The following SNX29 variants were observed in gnomAD, a reference collection of about 807,000 sequenced individuals.
SNX29 encodes sorting nexin-29.
In SNX29, 78 loss-of-function variants were observed where a neutral mutation model predicts 102.1. That is an observed-to-expected ratio of 0.76 (90% CI 0.64 to 0.92). The LOEUF is 0.92. Among genes scored for constraint, SNX29 ranks in the 40% least tolerant of loss-of-function variants. The pLI, the probability that SNX29 is intolerant of heterozygous loss-of-function variation, is 0.00. For synonymous variants in SNX29, 580 were observed against 414.5 expected, an observed-to-expected ratio of 1.40 and a Z score of -4.85; for missense variants, 1,280 against 1,061.7, an observed-to-expected ratio of 1.21 and a Z score of -2.86.
chr16:12,079,744 A>T (rs1596799969), intron 11 of SNX29, among the ~76,000 whole-genome samples: 1 of 152,168 alleles, frequency 6.6e-6, no homozygotes, highest in South Asian at 2.1e-4. Context: ...TGGGGCTGGT[A>T]TGTGGCTCCA....
At chr16:12,323,763 C>T (rs143806512) in intron 15 of SNX29, among the ~76,000 whole-genome samples, 118 of 152,270 alleles carry the variant, frequency 7.7e-4, no homozygotes, top group African/African-American at 2.7e-3. Flanking sequence ...CCATTTTTAT[C>T]CCTTCCCTGT....
intron 20 of SNX29, among the ~76,000 whole-genome samples, chr16:12,547,528 G>T (rs539527410): frequency 1.2e-4 from 19 of 152,208 alleles, no homozygotes; most frequent in Non-Finnish European, 1.9e-4. Flanking sequence ...AGAGAAAGAG[G>T]AACTGGAAGA....
intron 16 of SNX29, among the ~76,000 whole-genome samples, chr16:12,379,643 G>T (rs1050263297): frequency 2.2e-4 from 33 of 152,304 alleles, no homozygotes; most frequent in African/African-American, 7.2e-4. Flanking sequence ...GATGTTAATT[G>T]CACTATGCCT....
intron 20 of SNX29, among the ~76,000 whole-genome samples, chr16:12,536,204 C>G (rs534821895): frequency 6.6e-6 from 1 of 152,252 alleles, no homozygotes; most frequent in East Asian, 1.9e-4. Context: ...GAGGTTACGG[C>G]TTGCTGAGTA....
chr16:11,991,712 T>C (rs1481173420), intron 1 of SNX29, among the ~76,000 whole-genome samples: 3,063 of 25,952 alleles, frequency 0.12, 117 homozygotes, highest in African/African-American at 0.24. Flanking sequence ...GAGGCTAATC[T>C]TTTTTTTTTT....
At chr16:12,241,274 A>G (rs1328251610) in intron 14 of SNX29, among the ~76,000 whole-genome samples, 1 of 152,166 alleles carries the variant, frequency 6.6e-6, no homozygotes, top group South Asian at 2.1e-4. Flanking sequence ...TGTTGTGAAC[A>G]AAAAAAGAAA....
At chr16:12,132,787 CAG>C (rs2054515685) in intron 13 of SNX29, among the ~76,000 whole-genome samples, 2 of 152,144 alleles carry the variant, frequency 1.3e-5, no homozygotes, top group Non-Finnish European at 2.9e-5. Context: ...AGTCTGTAGG[CAG>C]AAGGAACAGA....
chr16:12,470,891 G>A (rs2087305249), intron 18 of SNX29, among the ~76,000 whole-genome samples: 1 of 152,184 alleles, frequency 6.6e-6, no homozygotes, highest in Non-Finnish European at 1.5e-5. Context: ...GCATGGGCGA[G>A]GCACGACACC....
At chr16:12,343,067 T>C (rs1379598129) in intron 15 of SNX29, among the ~76,000 whole-genome samples, 2 of 152,244 alleles carry the variant, frequency 1.3e-5, no homozygotes, top group African/African-American at 4.8e-5. Flanking sequence ...CTCTTGAAAC[T>C]TGGACATAAT....
At chr16:12,337,921 T>C (rs2081501213) in intron 15 of SNX29, among the ~76,000 whole-genome samples, 1 of 152,134 alleles carries the variant, frequency 6.6e-6, no homozygotes, top group South Asian at 2.1e-4. Context: ...CGAGGAACGG[T>C]CGGGTGACAC....
At chr16:12,508,121 G>T (rs2089457809) in intron 19 of SNX29, among the ~76,000 whole-genome samples, 2 of 152,252 alleles carry the variant, frequency 1.3e-5, no homozygotes, top group Admixed American at 6.5e-5. Flanking sequence ...CTTGGGAAGA[G>T]TGTTTTTGAA....
intron 18 of SNX29, among the ~76,000 whole-genome samples, chr16:12,441,171 T>C (rs1180080787): frequency 6.9e-6 from 1 of 145,846 alleles, no homozygotes; most frequent in Non-Finnish European, 1.5e-5. Context: ...CACTGCAAGC[T>C]CCGCCTCCTG....
intron 20 of SNX29, chr16:12,560,873 G>C (rs1043830130): frequency 5.4e-6 from 1 of 186,878 alleles, no homozygotes; most frequent in Non-Finnish European, 1.1e-5. Flanking sequence ...TAGTCCTTTA[G>C]TTCAAGATTT....
intron 20 of SNX29, among the ~76,000 whole-genome samples, chr16:12,558,618 C>T (rs1258322044): frequency 4.6e-5 from 7 of 152,222 alleles, no homozygotes; most frequent in Admixed American, 2.0e-4. Flanking sequence ...TCACACAGTG[C>T]AGGCCCCGAG....
chr16:12,142,634 A>G (rs1010455513), intron 13 of SNX29, among the ~76,000 whole-genome samples: 2 of 152,234 alleles, frequency 1.3e-5, no homozygotes, highest in Admixed American at 1.3e-4. Context: ...GGGCGATCTC[A>G]GATCACTGCA....
Position 12,570,156 on chromosome 16 carries a change from G to C in SNX29, c.*1527G>C. On this transcript the variant is annotated 3_prime_UTR_variant, in exon 21 of 21. Transcript: ENST00000566228. ...GGAAGGCTGAGATCACTCACACACA[G>C]CGCCCCCCCACCCCAGAGAAACCGA... 5 of 1,064,814 alleles carry C rather than the reference G, an allele frequency of 4.7e-6. No homozygotes were observed. Among genetic ancestry groups the C allele is most frequent in the Non-Finnish European group, 5.7e-6 (5 of 878,822 alleles). 66.0% of individuals were successfully genotyped at this position (1,064,814 alleles called of 1,614,324 possible).
intron 14 of SNX29, among the ~76,000 whole-genome samples, chr16:12,261,248 G>C (rs1216894255): frequency 1.6e-5 from 2 of 128,562 alleles, no homozygotes; most frequent in African/African-American, 6.2e-5. Flanking sequence ...GGGTCTGTGT[G>C]CGCACCCCCG....
At chr16:12,075,515 C>G (rs1317032089) in intron 10 of SNX29, among the ~76,000 whole-genome samples, 4 of 152,178 alleles carry the variant, frequency 2.6e-5, no homozygotes, top group Non-Finnish European at 5.9e-5. Flanking sequence ...TCTGATCGTT[C>G]CTCTGGAAGT....
chr16:12,322,219 G>T lies in SNX29; in HGVS notation c.1783-33944G>T, dbSNP rs553686802. Among the ~76,000 whole-genome samples, 156 of 152,152 alleles carry T rather than the reference G, an allele frequency of 1.0e-3. 1 individual carries two copies. Among genetic ancestry groups the T allele is most frequent in the Non-Finnish European group, 4.3e-4 (29 of 68,028 alleles). Reference sequence around the variant, plus strand: ...GGCCAGTCACGCTAGTGATGGGAGTGGGGAGAACTCCCTGAGTGGCCTAAC... The same window carrying T: ...GGCCAGTCACGCTAGTGATGGGAGTTGGGAGAACTCCCTGAGTGGCCTAAC... On this transcript the variant is annotated intron_variant, in intron 15 of 20. Transcript: ENST00000566228.
Sources: gnomAD v4.1 joint callset for allele counts (sites outside exome capture counted in the v4.1 genomes callset) on GRCh38, gnomAD v4.1.1 for gene constraint, MANE v1.5 for transcripts, NCBI Gene and HGNC (gene_info 2026-07-23, HGNC 2026-07-21) for gene names.